The following MED12L variants were observed in gnomAD, a reference collection of about 807,000 sequenced individuals.
MED12L encodes mediator of RNA polymerase II transcription subunit 12-like protein.
Under a neutral mutation model 281.3 loss-of-function variants are expected in MED12L, and 60 were observed. The ratio of observed to expected loss-of-function variants is 0.21; its 90% confidence interval spans 0.17 to 0.26. The LOEUF is 0.26. Ranked by LOEUF, MED12L falls within the 10% of genes least tolerant of loss-of-function variation. MED12L has a pLI of 1.00. For missense variants in MED12L, 2,146 were observed against 2,680.9 expected (o/e 0.80, Z 4.41); for synonymous variants, 974 against 987.2 (o/e 0.99, Z 0.25).
intron 2 of MED12L, among the ~76,000 whole-genome samples, chr3:151,105,129 T>G (rs1217928503): frequency 1.3e-5 from 2 of 152,182 alleles, no homozygotes; most frequent in African/African-American, 4.8e-5. Flanking sequence ...TGAGTTGGTC[T>G]GGTACTAGCT....
intron 16 of MED12L, among the ~76,000 whole-genome samples, chr3:151,284,610 G>A (rs993823905): frequency 6.6e-6 from 1 of 152,066 alleles, no homozygotes; most frequent in Non-Finnish European, 1.5e-5. Context: ...TTGTTTGTTT[G>A]TTTGTTTGTT....
In MED12L at chr3:151,158,808, C is replaced by T; in HGVS notation, c.837+9C>T. ...TACCACTAATGCTGCAGGTATAGTA[C>T]ATGTCCCCTTGAGGCAGTTGGTTTT... On this transcript the variant is annotated intron_variant, in intron 7 of 44. Coordinates refer to ENST00000687756, the MANE Select transcript of MED12L (RefSeq NM_001393769.1). 2.5e-6 allele frequency: 4 copies of T among 1,571,934 alleles called. No individual in the cohort carries two copies. Among genetic ancestry groups the T allele is most frequent in the Non-Finnish European group, 3.5e-6 (4 of 1,142,940 alleles).
intron 27 of MED12L, among the ~76,000 whole-genome samples, chr3:151,375,690 A>ATCAT (rs1349671215): frequency 2.0e-5 from 3 of 152,160 alleles, no homozygotes; most frequent in Non-Finnish European, 4.4e-5. Flanking sequence ...ATCTGATAGA[A>ATCAT]TCATTATATA....
At chr3:151,342,513 A>C (rs6772253) in intron 16 of MED12L, among the ~76,000 whole-genome samples, 147,646 of 152,330 alleles carry the variant, frequency 0.97, 71,589 homozygotes, top group Middle Eastern at 1. Flanking sequence ...CTGAGTGAAT[A>C]AAAAACTCTG....
chr3:151,153,654 T>C (rs1163852363), intron 5 of MED12L, among the ~76,000 whole-genome samples: 1 of 142,860 alleles, frequency 7.0e-6, no homozygotes, highest in Non-Finnish European at 1.5e-5. Flanking sequence ...CTGCAACCTC[T>C]GCCTCCCAGC....
At chr3:151,322,497 C>T (rs1224550387) in intron 16 of MED12L, among the ~76,000 whole-genome samples, 3 of 151,972 alleles carry the variant, frequency 2.0e-5, no homozygotes, top group African/African-American at 7.3e-5. Context: ...GCATCTGGCG[C>T]CCCATGGAAC....
At chr3:151,126,211 C>T (rs548123007) in intron 4 of MED12L, among the ~76,000 whole-genome samples, 1 of 152,038 alleles carries the variant, frequency 6.6e-6, no homozygotes, top group African/African-American at 2.4e-5. Context: ...ACCACACTCA[C>T]CTGATTTTTA....
chr3:151,316,027 C>T (rs1748190027), intron 16 of MED12L, among the ~76,000 whole-genome samples: 1 of 152,166 alleles, frequency 6.6e-6, no homozygotes. Context: ...GTAAGCTGTT[C>T]CTAACCTGTT....
intron 2 of MED12L, among the ~76,000 whole-genome samples, chr3:151,101,448 T>C (rs1441862580): frequency 6.6e-6 from 1 of 152,160 alleles, no homozygotes; most frequent in Non-Finnish European, 1.5e-5. Context: ...GTGATGGAGT[T>C]GGACTCTCTG....
chr3:151,286,755 C>T (rs567734577), intron 16 of MED12L, among the ~76,000 whole-genome samples: 1 of 152,278 alleles, frequency 6.6e-6, no homozygotes, highest in East Asian at 1.9e-4. Flanking sequence ...CAGTTGAAAC[C>T]TGTTGTGCCA....
intron 16 of MED12L, among the ~76,000 whole-genome samples, chr3:151,347,792 C>CA (rs1467408265): frequency 7.2e-5 from 11 of 152,242 alleles, no homozygotes; most frequent in Admixed American, 6.5e-4. Flanking sequence ...GGTTTTCTCA[C>CA]AAAAACCTTA....
intron 16 of MED12L, among the ~76,000 whole-genome samples, chr3:151,259,044 CAA>C (rs1178871590): frequency 6.6e-6 from 1 of 152,096 alleles, no homozygotes; most frequent in Non-Finnish European, 1.5e-5. Context: ...AGCAATAAAT[CAA>C]ATTTAATTTT....
chr3:151,185,350 T>C lies in MED12L; in HGVS notation c.1515T>C (p.Ala505=). 1 of 1,613,894 alleles carries C rather than the reference T, an allele frequency of 6.2e-7. No individual in the cohort carries two copies. Among genetic ancestry groups the C allele is most frequent in the African/African-American group, 1.3e-5 (1 of 75,014 alleles). Residue 505 remains alanine (A), a synonymous_variant, in exon 12 of 45, where the codon GCT becomes GCC. Coordinates refer to ENST00000687756, the MANE Select transcript of MED12L (RefSeq NM_001393769.1). Reference sequence around the variant, plus strand: ...ATTAGGTTGCGCCCAACGATGAAGCTGTGGTGACGCTGTTATGTGAATGGG... The same window carrying C: ...ATTAGGTTGCGCCCAACGATGAAGCCGTGGTGACGCTGTTATGTGAATGGG... The part of the protein sequence containing the change: ...DNQEVAPNDE[A]VVTLLCEWAV...
chr3:151,176,590 T>C (rs1366102447), intron 11 of MED12L, among the ~76,000 whole-genome samples: 1 of 151,824 alleles, frequency 6.6e-6, no homozygotes, highest in Non-Finnish European at 1.5e-5. Context: ...CTCCACTCTT[T>C]TATTACTTCT....
At position 151,156,239 on chromosome 3, in the gene MED12L, C is replaced by G. The variant is rs769726260; in HGVS notation, c.635C>G (p.Thr212Arg). 1 of 1,613,552 alleles carries G rather than the reference C, an allele frequency of 6.2e-7. No individual in the cohort carries two copies. The highest frequency in any genetic ancestry group is 1.1e-5 in the South Asian group (1 of 90,894). The change falls in exon 6 of 45, where the codon ACG (threonine) becomes AGG (arginine). Residue 212 changes from threonine (T) to arginine (R), a missense_variant. This residue lies in a region of MED12L where 722 missense variants were observed against 861.2 expected (regional missense o/e 0.84). Coordinates refer to ENST00000687756, the MANE Select transcript of MED12L (RefSeq NM_001393769.1). ...ISDFYHMASS[T>R]GDGPVPVPPE... ...GACTTTTACCACATGGCCTCCAGCA[C>G]GGGCGATGGCCCTGTCCCTGTGCCA... is the stretch of plus-strand genomic sequence containing the variant.
At chr3:151,306,943 A>G (rs1182906406) in intron 16 of MED12L, among the ~76,000 whole-genome samples, 1 of 152,202 alleles carries the variant, frequency 6.6e-6, no homozygotes, top group African/African-American at 2.4e-5. Context: ...TCCCTCTAAA[A>G]GCTCACATCT....
chr3:151,161,361 T>G (rs893213899), intron 8 of MED12L, among the ~76,000 whole-genome samples: 7 of 152,190 alleles, frequency 4.6e-5, no homozygotes, highest in African/African-American at 9.7e-5. Flanking sequence ...ATTCGAATCC[T>G]TCAAGAACTT....
At chr3:151,231,964 T>G (rs1319413831) in intron 16 of MED12L, among the ~76,000 whole-genome samples, 2 of 152,208 alleles carry the variant, frequency 1.3e-5, no homozygotes, top group East Asian at 3.9e-4. Flanking sequence ...CTTTTTTTGC[T>G]GATATATGCA....
Position 151,350,215 on chromosome 3 carries a change from C to T in MED12L, c.2398+9C>T, listed in dbSNP as rs913977256. ...CACCACAGAGACAGGGGGTAAAGAA[C>T]CTTAATGCATTTGCTCCCATTGTGT... On this transcript the variant is annotated intron_variant, in intron 17 of 44. Coordinates refer to ENST00000687756, the MANE Select transcript of MED12L (RefSeq NM_001393769.1). 1 of 1,612,102 alleles carries T rather than the reference C, an allele frequency of 6.2e-7. No individual in the cohort carries two copies. Among genetic ancestry groups the T allele is most frequent in the Non-Finnish European group, 8.5e-7 (1 of 1,178,962 alleles).
Sources: gnomAD v4.1 joint callset for allele counts (sites outside exome capture counted in the v4.1 genomes callset) on GRCh38, gnomAD v4.1.1 for gene constraint, gnomAD v4.1.1 regional missense constraint, MANE v1.5 for transcripts, NCBI Gene and HGNC (gene_info 2026-07-23, HGNC 2026-07-21) for gene names.